The following NELL1 variants were observed in gnomAD, a reference collection of about 807,000 sequenced individuals.
NELL1 encodes the protein protein kinase C-binding protein NELL1.
NELL1 carries 76 observed loss-of-function variants against 107.4 expected under a neutral mutation model. The observed-to-expected ratio is 0.71, with a 90% CI of 0.59 to 0.86. The LOEUF is 0.86. Ranked by LOEUF, NELL1 falls within the 40% of genes least tolerant of loss-of-function variation. The probability of loss-of-function intolerance (pLI) is 0.00; values close to 1 mark genes in which losing one functional copy is unlikely to be tolerated. For missense variants in NELL1, 1,024 were observed against 1,005.5 expected, an observed-to-expected ratio of 1.02 and a Z score of -0.25; for synonymous variants, 353 against 341.2, an observed-to-expected ratio of 1.03 and a Z score of -0.38.
chr11:21,396,077 C>A (rs184791767), intron 15 of NELL1, among the ~76,000 whole-genome samples: 36 of 151,600 alleles, frequency 2.4e-4, no homozygotes, highest in African/African-American at 8.0e-4. Flanking sequence ...ATGGAACTTC[C>A]TTCATCAAAT....
chr11:21,547,542 C>T (rs1856472917), intron 16 of NELL1, among the ~76,000 whole-genome samples: 1 of 151,850 alleles, frequency 6.6e-6, no homozygotes, highest in South Asian at 2.1e-4. Flanking sequence ...AAAATGTGAT[C>T]ATTTGTAAAG....
chr11:21,500,970 G>A (rs778525716), intron 15 of NELL1, among the ~76,000 whole-genome samples: 14 of 152,030 alleles, frequency 9.2e-5, no homozygotes, highest in Non-Finnish European at 1.5e-4. Context: ...AGAGTATTTA[G>A]GTATTTTACT....
At chr11:21,462,861 A>G (rs996077494) in intron 15 of NELL1, among the ~76,000 whole-genome samples, 2 of 151,944 alleles carry the variant, frequency 1.3e-5, no homozygotes, top group Non-Finnish European at 2.9e-5. Context: ...CTCTTCTCCT[A>G]TCTCCATAGA....
At chr11:20,903,248 T>G (rs1354520705) in intron 5 of NELL1, among the ~76,000 whole-genome samples, 1 of 152,106 alleles carries the variant, frequency 6.6e-6, no homozygotes, top group African/African-American at 2.4e-5. Flanking sequence ...TGTCTCAGTT[T>G]AAAACTGAAC....
intron 14 of NELL1, among the ~76,000 whole-genome samples, chr11:21,350,506 C>T (rs1850784807): frequency 6.6e-6 from 1 of 152,046 alleles, no homozygotes; most frequent in Non-Finnish European, 1.5e-5. Flanking sequence ...TGTTGAAGAA[C>T]AAAATAGAAG....
At chr11:21,102,635 C>G (rs1854849419) in intron 12 of NELL1, among the ~76,000 whole-genome samples, 1 of 152,268 alleles carries the variant, frequency 6.6e-6, no homozygotes, top group Admixed American at 6.5e-5. Context: ...ACAAATGTTA[C>G]CTGTTGTTAT....
At chr11:20,895,060 A>C (rs1849697418) in intron 5 of NELL1, among the ~76,000 whole-genome samples, 1 of 143,366 alleles carries the variant, frequency 7.0e-6, no homozygotes, top group African/African-American at 2.9e-5. Context: ...TCACGAGGTC[A>C]GGAGATCGAG....
intron 15 of NELL1, among the ~76,000 whole-genome samples, chr11:21,467,678 T>C (rs189481029): frequency 3.5e-4 from 54 of 152,178 alleles, no homozygotes; most frequent in Non-Finnish European, 6.9e-4. Flanking sequence ...TTTATGATGA[T>C]TTTTCAAGAT....
chr11:21,385,174 A>G (rs1564869493), intron 15 of NELL1, among the ~76,000 whole-genome samples: 2 of 151,812 alleles, frequency 1.3e-5, no homozygotes, highest in African/African-American at 2.4e-5. Flanking sequence ...CTGACACAAT[A>G]GTACTTTTCG....
rs938755410 is a variant in NELL1 at position 21,193,030 on chromosome 11, G to A, written c.1427-36302G>A. On this transcript the variant is annotated intron_variant, in intron 13 of 19. Coordinates refer to ENST00000357134, the MANE Select transcript of NELL1 (RefSeq NM_006157.5). ...ATTTACAAAATGTAGTGGTTAAAATGACTGTGACTCTAATCCATAACTTGA... is the reference window on the plus strand; with the variant it reads ...ATTTACAAAATGTAGTGGTTAAAATAACTGTGACTCTAATCCATAACTTGA... 3.3e-5 allele frequency among the ~76,000 whole-genome samples: 5 copies of A among 151,938 alleles called. No individual in the cohort carries two copies. In the East Asian group the frequency reaches 7.7e-4, roughly 23 times the overall value.
chr11:21,063,672 G>C (rs1516752), intron 12 of NELL1, among the ~76,000 whole-genome samples: 22,658 of 152,162 alleles, frequency 0.15, 1,936 homozygotes, highest in Middle Eastern at 0.27. Context: ...TAACACAACA[G>C]ACTGAAAAGT....
chr11:21,021,175 G>A (rs958265134), intron 12 of NELL1, among the ~76,000 whole-genome samples: 1 of 150,426 alleles, frequency 6.6e-6, no homozygotes, highest in African/African-American at 2.4e-5. Context: ...CTTAAGAGTT[G>A]AGATAAATAT....
chr11:21,143,910 G>T lies in NELL1; in HGVS notation c.1426+30196G>T, dbSNP rs1194752734. On this transcript the variant is annotated intron_variant, in intron 13 of 19. Coordinates refer to ENST00000357134, the MANE Select transcript of NELL1 (RefSeq NM_006157.5). ...ACCAGGTAAAAGAAGTCTGTGTCAAGACTAATGTAAGAACAAGGAGCTGGG... is the reference window on the plus strand; with the variant it reads ...ACCAGGTAAAAGAAGTCTGTGTCAATACTAATGTAAGAACAAGGAGCTGGG... 2.0e-5 allele frequency among the ~76,000 whole-genome samples: 3 copies of T among 152,144 alleles called. No homozygotes were observed. In the East Asian group the frequency reaches 5.8e-4, roughly 29 times the overall value.
At chr11:20,890,906 G>A (rs1849604151) in intron 5 of NELL1, among the ~76,000 whole-genome samples, 1 of 152,028 alleles carries the variant, frequency 6.6e-6, no homozygotes, top group Non-Finnish European at 1.5e-5. Context: ...AAGGAGACAG[G>A]GAGAATGGAA....
intron 2 of NELL1, among the ~76,000 whole-genome samples, chr11:20,693,492 ATCTC>A: frequency 1.3e-5 from 2 of 150,350 alleles, no homozygotes; most frequent in South Asian, 4.3e-4. Flanking sequence ...GGTTGACAAA[ATCTC>A]TCAGCATTTG....
chr11:21,352,244 G>A (rs946561306), intron 14 of NELL1, among the ~76,000 whole-genome samples: 10 of 151,842 alleles, frequency 6.6e-5, no homozygotes, highest in African/African-American at 9.7e-5. Context: ...TTCCCGTATC[G>A]CTTACTATAA....
At chr11:20,878,510 T>G (rs1469852409) in intron 4 of NELL1, among the ~76,000 whole-genome samples, 1 of 152,152 alleles carries the variant, frequency 6.6e-6, no homozygotes, top group Non-Finnish European at 1.5e-5. Context: ...CTATCTCTTT[T>G]CCGGGTGAGA....
chr11:21,269,221 A>C (rs1381885666), intron 14 of NELL1, among the ~76,000 whole-genome samples: 2 of 152,116 alleles, frequency 1.3e-5, no homozygotes, highest in Non-Finnish European at 2.9e-5. Flanking sequence ...AGAAGAAAAC[A>C]AAAAGAAACA....
chr11:20,849,808 C>T (rs906621756), intron 4 of NELL1, among the ~76,000 whole-genome samples: 6 of 152,110 alleles, frequency 3.9e-5, no homozygotes, highest in Non-Finnish European at 4.4e-5. Flanking sequence ...AGGCTAGAAA[C>T]ATGGTTCCAA....
Sources: gnomAD v4.1 joint callset for allele counts (sites outside exome capture counted in the v4.1 genomes callset) on GRCh38, gnomAD v4.1.1 for gene constraint, MANE v1.5 for transcripts, NCBI Gene and HGNC (gene_info 2026-07-23, HGNC 2026-07-21) for gene names.